The following CCDC14 variants were observed in gnomAD, a reference collection of about 807,000 sequenced individuals.
CCDC14 encodes the protein coiled-coil domain containing 14.
In CCDC14, 71 loss-of-function variants were observed where a neutral mutation model predicts 81.4. The ratio of observed to expected loss-of-function variants is 0.87; its 90% confidence interval spans 0.72 to 1.06. CCDC14 has a LOEUF of 1.06. Ranked by LOEUF, CCDC14 falls within the 50% of genes least tolerant of loss-of-function variation. CCDC14 has a pLI of 0.00. For missense variants in CCDC14, 1,046 were observed against 1,047.3 expected (o/e 1.00, Z 0.02); for synonymous variants, 332 against 364.8 (o/e 0.91, Z 1.03).
At chr3:123,908,206 G>A (rs892214847) in intron 5 of CCDC14, among the ~76,000 whole-genome samples, 2 of 152,124 alleles carry the variant, frequency 1.3e-5, no homozygotes, top group African/African-American at 4.8e-5. Context: ...CGTGGTAGGA[G>A]GACATACCAA....
At chr3:123,905,136 C>T (rs2034279556) in intron 5 of CCDC14, among the ~76,000 whole-genome samples, 1 of 152,062 alleles carries the variant, frequency 6.6e-6, no homozygotes, top group Admixed American at 6.6e-5. Context: ...TTTCAGAACC[C>T]ACCATGGTAA....
rs745700359 is a variant in CCDC14 at position 123,898,447 on chromosome 3, TG to T, written c.668-835del. On this transcript the variant is annotated intron_variant, in intron 5 of 5. Coordinates refer to the CCDC14 transcript ENST00000479903. ...CCATTATTCTGCATTGCCTCTTTTTTGGTAACCTCTATCTGTGCAGTCTTCA... is the reference window on the plus strand; with the variant it reads ...CCATTATTCTGCATTGCCTCTTTTTTGTAACCTCTATCTGTGCAGTCTTCA... 2.0e-3 allele frequency among the ~76,000 whole-genome samples: 307 copies of T among 152,314 alleles called. 2 individuals are homozygous for T. Among genetic ancestry groups the T allele is most frequent in the Non-Finnish European group, 2.4e-3 (163 of 68,020 alleles).
chr3:123,891,451 C>T, the CCDC14 span, among the ~76,000 whole-genome samples: 1 of 152,190 alleles, frequency 6.6e-6, no homozygotes, highest in Admixed American at 6.5e-5. Context: ...CTCTTGAATG[C>T]TTTGCTGTTT....
At chr3:123,933,362 G>A (rs2035859537) in intron 10 of CCDC14, among the ~76,000 whole-genome samples, 1 of 152,158 alleles carries the variant, frequency 6.6e-6, no homozygotes, top group Non-Finnish European at 1.5e-5. Flanking sequence ...AGTATGTACA[G>A]TGTGATCTCA....
intron 12 of CCDC14, among the ~76,000 whole-genome samples, chr3:123,920,040 CAAT>C (rs1408340581): frequency 2.0e-5 from 3 of 151,770 alleles, no homozygotes; most frequent in Non-Finnish European, 1.5e-5. Flanking sequence ...ACAAACAAAA[CAAT>C]AAGTTTGACA....
intron 1 of CCDC14, among the ~76,000 whole-genome samples, chr3:123,960,310 G>T (rs1044820310): frequency 6.6e-6 from 1 of 152,194 alleles, no homozygotes; most frequent in African/African-American, 2.4e-5. Flanking sequence ...TCCATACCCT[G>T]TGAGTTATTA....
downstream of CCDC14, among the ~76,000 whole-genome samples, chr3:123,894,298 C>T (rs1344697194): frequency 6.6e-6 from 1 of 152,198 alleles, no homozygotes; most frequent in East Asian, 1.9e-4. Context: ...TCTAGACTCT[C>T]CATTCCATTG....
rs902989461 is a variant in CCDC14 at position 123,946,969 on chromosome 3, C to T, written c.1035G>A (p.Glu345=). The change falls in exon 8 of 13, where the codon GAG becomes GAA. Residue 345 remains glutamate, a synonymous_variant. Coordinates refer to ENST00000409697, the MANE Select transcript of CCDC14 (RefSeq NM_001366335.1). The part of the protein sequence containing the change: ...LATNEEKCAR[E]QIREATSERK... ...TTTCACTTGTGGCCTCTCTAATTTG[C>T]TCTCTGGCACATTTTTCTTCATTAG... 1 of 1,613,832 alleles carries T rather than the reference C, an allele frequency of 6.2e-7. No homozygotes were observed. The highest frequency in any genetic ancestry group is 1.3e-5 in the African/African-American group (1 of 74,912).
chr3:123,890,082 G>C, the CCDC14 span, among the ~76,000 whole-genome samples: 1 of 152,200 alleles, frequency 6.6e-6, no homozygotes. Flanking sequence ...CTTGTGCAGA[G>C]AAACTCCCAT....
rs1167957308 is a variant in CCDC14, at chr3:123,914,587, T to C, written c.*192A>G. ...ATCCACAACTTTCTTCTTGTAGCAA[T>C]TGTGAACTTAAGATGACTTGTTTTT... On this transcript the variant is annotated 3_prime_UTR_variant, in exon 13 of 13. Coordinates refer to ENST00000409697, the MANE Select transcript of CCDC14 (RefSeq NM_001366335.1). 1.6e-6 allele frequency: 2 copies of C among 1,273,182 alleles called. No homozygotes were observed. Among genetic ancestry groups the C allele is most frequent in the African/African-American group, 1.5e-5 (1 of 65,014 alleles). The allele number at this position is 1,273,182 out of a possible 1,614,324, so 78.9% of individuals were successfully genotyped here.
chr3:123,931,343 T>C lies in CCDC14; in HGVS notation c.1610A>G (p.Gln537Arg). The change falls in exon 11 of 13, where the codon CAG (glutamine) becomes CGG (arginine). Residue 537 changes from glutamine (Q) to arginine (R), a missense_variant. Physicochemically the swap from Gln to Arg is conservative, Grantham distance 43 (BLOSUM62 1). Coordinates refer to ENST00000409697, the MANE Select transcript of CCDC14 (RefSeq NM_001366335.1). Reference sequence around the variant, plus strand: ...TCTTGTTATCTCAATATCATATTGCTGTTTATTTTCAAGTATAGTTTGATC... The same window carrying C: ...TCTTGTTATCTCAATATCATATTGCCGTTTATTTTCAAGTATAGTTTGATC... ...DKDQTILENK[Q>R]QYDIEITRIK... is the part of the protein sequence containing the mutation. The C allele has an allele frequency of 6.6e-7, 1 of 1,521,614 alleles. No homozygotes were observed. Among genetic ancestry groups the C allele is most frequent in the East Asian group, 2.4e-5 (1 of 41,148 alleles). 94.3% of individuals were successfully genotyped at this position (1,521,614 alleles called of 1,614,324 possible). A position where few individuals can be genotyped will look rare whatever the true frequency, so the allele number is the denominator to read the frequency against.
downstream of CCDC14, among the ~76,000 whole-genome samples, chr3:123,895,202 C>T (rs1468721712): frequency 6.6e-6 from 1 of 152,140 alleles, no homozygotes; most frequent in East Asian, 1.9e-4. Flanking sequence ...GTTTATTCTG[C>T]AAGTCTGGAT....
At position 123,915,288 on chromosome 3, in the gene CCDC14, T is replaced by G. The variant is rs558180745; in HGVS notation, c.2209A>C (p.Ser737Arg). 3.8e-5 allele frequency: 62 copies of G among 1,613,976 alleles called. 1 individual carries two copies. In the South Asian group the frequency reaches 6.3e-4, roughly 16 times the overall value. Residue 737 changes from serine (S) to arginine (R), a missense_variant, in exon 13 of 13, where the codon AGC becomes CGC. Ser to Arg is a moderately radical substitution (Grantham distance 110, BLOSUM62 -1). Coordinates refer to ENST00000409697, the MANE Select transcript of CCDC14 (RefSeq NM_001366335.1). ...DNTIYIPFARSTPEKKSPLSK... is the reference protein window; with the variant it reads ...DNTIYIPFARRTPEKKSPLSK... ...AGTGGTGATTTCTTTTCAGGAGTGC[T>G]TCTAGCAAAAGGAATGTAAATTGTA...
downstream of CCDC14, among the ~76,000 whole-genome samples, chr3:123,895,563 TG>T (rs1184628241): frequency 6.6e-6 from 1 of 152,196 alleles, no homozygotes; most frequent in African/African-American, 2.4e-5. Context: ...CATGTATGCC[TG>T]GGTCTTACCC....
At chr3:123,960,741 A>G (rs2037633356) in intron 1 of CCDC14, among the ~76,000 whole-genome samples, 1 of 152,184 alleles carries the variant, frequency 6.6e-6, no homozygotes. Context: ...AACCTTCTCA[A>G]TTCTTTGAGA....
intron 12 of CCDC14, among the ~76,000 whole-genome samples, chr3:123,917,419 C>T (rs573070620): frequency 3.3e-5 from 5 of 151,094 alleles, no homozygotes; most frequent in East Asian, 2.0e-4. Context: ...TGCTTGAACC[C>T]GGGAGGCAGA....
chr3:123,886,184 A>G, the CCDC14 span, among the ~76,000 whole-genome samples: 2 of 150,776 alleles, frequency 1.3e-5, no homozygotes, highest in Non-Finnish European at 1.5e-5. Context: ...GTGTGCAAAG[A>G]GCTTCAAAGA....
At chr3:123,946,772 C>T (rs1306854814) in intron 8 of CCDC14, 31 bp downstream of exon 8, 7 of 1,576,338 alleles carry the variant, frequency 4.4e-6, no homozygotes, top group African/African-American at 1.4e-5. Context: ...AGTATAACAC[C>T]ATACTACAGA....
At chr3:123,890,914 G>A in the CCDC14 span, among the ~76,000 whole-genome samples, 1 of 152,198 alleles carries the variant, frequency 6.6e-6, no homozygotes, top group Non-Finnish European at 1.5e-5. Context: ...CCCTGCCCCT[G>A]TAGCAAACTT....
Sources: gnomAD v4.1 joint callset for allele counts (sites outside exome capture counted in the v4.1 genomes callset) on GRCh38, gnomAD v4.1.1 for gene constraint, MANE v1.5 for transcripts, NCBI Gene and HGNC (gene_info 2026-07-23, HGNC 2026-07-21) for gene names.